Variants in DCN observed in about 807,000 individuals in gnomAD.
DCN encodes bone proteoglycan II.
DCN carries 17 observed loss-of-function variants against 36.5 expected under a neutral mutation model. The ratio of observed to expected loss-of-function variants is 0.47; its 90% CI spans 0.32 to 0.70. DCN has a LOEUF of 0.70. DCN is among the 30% of genes least tolerant of loss of function. The probability of loss-of-function intolerance (pLI) is 0.04; values close to 1 mark genes in which losing one functional copy is unlikely to be tolerated. For synonymous variants in DCN, 163 were observed against 161.4 expected, an observed-to-expected ratio of 1.01 and a Z score of -0.07; for missense variants, 389 against 430.1, an observed-to-expected ratio of 0.90 and a Z score of 0.84.
intron 3 of DCN, 52 bp from the exon 4 acceptor site, chr12:91,158,561 A>AT (rs750460433): frequency 2.1e-6 from 2 of 942,142 alleles, no homozygotes; most frequent in Non-Finnish European, 3.5e-6. Context: ...TTCCACATAC[A>AT]TGTAAAACAA....
In DCN at chr12:91,154,209, G is replaced by T. The variant is rs3138256; in HGVS notation, c.653-1020C>A. 9.3e-3 allele frequency among the ~76,000 whole-genome samples: 1,409 copies of T among 152,118 alleles called. 25 individuals are homozygous for T. Among genetic ancestry groups the T allele is most frequent in the African/African-American group, 0.033 (1,351 of 41,532 alleles). On this transcript the variant is annotated intron_variant, in intron 5 of 7. Transcript: ENST00000052754. ...TAATAAAATAGTTTAGTCCATATTT[G>T]ACTTGAAAATGATTCTTAGTTTCCT...
intron 7 of DCN, chr12:91,151,432 T>C (rs1881407159): frequency 1.9e-6 from 1 of 537,254 alleles, no homozygotes; most frequent in Non-Finnish European, 3.3e-6. Context: ...ACTTTAAGTT[T>C]CATCTCCATA....
intron 2 of DCN, among the ~76,000 whole-genome samples, chr12:91,167,827 T>TGTTTTC (rs1310954642): frequency 1.3e-5 from 2 of 152,070 alleles, no homozygotes; most frequent in Non-Finnish European, 2.9e-5. Context: ...CTATGTTTTT[T>TGTTTTC]GTTTTTGTTT....
At position 91,144,953 on chromosome 12, in the gene DCN, T is replaced by C. The variant is rs1477943337; in HGVS notation, c.*1105A>G. On this transcript the variant is annotated 3_prime_UTR_variant, in exon 8 of 8. Coordinates refer to ENST00000052754, the MANE Select transcript of DCN (RefSeq NM_001920.5). ...TAATAAATTATTTAAATTTACACTGTATTTCAATTATTTTTTCCCATATGA... is the reference window on the plus strand; with the variant it reads ...TAATAAATTATTTAAATTTACACTGCATTTCAATTATTTTTTCCCATATGA... 1.3e-5 allele frequency: 2 copies of C among 152,254 alleles called. No individual in the cohort carries two copies. Among genetic ancestry groups the C allele is most frequent in the Admixed American group, 6.5e-5 (1 of 15,288 alleles). 9.4% of individuals were successfully genotyped at this position (152,254 alleles called of 1,614,324 possible).
chr12:91,147,893 G>T (rs1461055998), intron 7 of DCN, among the ~76,000 whole-genome samples: 1 of 152,014 alleles, frequency 6.6e-6, no homozygotes, highest in East Asian at 1.9e-4. Context: ...TTACAATCAT[G>T]TTTAAGATAA....
At chr12:91,182,128 T>C (rs970598847) in intron 1 of DCN, among the ~76,000 whole-genome samples, 3 of 152,132 alleles carry the variant, frequency 2.0e-5, no homozygotes, top group Non-Finnish European at 4.4e-5. Flanking sequence ...ATTTTCAATG[T>C]TTATTTTCAC....
intron 2 of DCN, among the ~76,000 whole-genome samples, chr12:91,173,523 C>T (rs912059673): frequency 6.6e-6 from 1 of 152,160 alleles, no homozygotes; most frequent in Non-Finnish European, 1.5e-5. Context: ...CTGAAGATCA[C>T]CCATACTCCA....
In DCN at chr12:91,145,474, C is replaced by G. The variant is rs1455352171; in HGVS notation, c.*584G>C. ...TTGTCAACAAACCAATGTCTTCTCC[C>G]TTCATAAAATTGTGTTTAGGGAATA... On this transcript the variant is annotated 3_prime_UTR_variant, in exon 8 of 8. Coordinates refer to ENST00000052754, the MANE Select transcript of DCN (RefSeq NM_001920.5). 6.3e-6 allele frequency: 1 copy of G among 157,842 alleles called. No homozygotes were observed. The highest frequency in any genetic ancestry group is 6.3e-5 in the Admixed American group (1 of 15,948). The allele number at this position is 157,842 out of a possible 1,614,324, so 9.8% of individuals were successfully genotyped here. A position where few individuals can be genotyped will look rare whatever the true frequency, so the allele number is the denominator to read the frequency against.
intron 4 of DCN, among the ~76,000 whole-genome samples, 188 bp downstream of exon 4, chr12:91,158,108 A>G (rs1165574400): frequency 6.6e-6 from 1 of 152,192 alleles, no homozygotes; most frequent in Non-Finnish European, 1.5e-5. Context: ...ACTCAAGGAC[A>G]TACATAAAAA....
intron 7 of DCN, 107 bp from the exon 8 acceptor site, chr12:91,146,359 T>A: frequency 1.5e-6 from 1 of 671,476 alleles, no homozygotes; most frequent in Non-Finnish European, 2.4e-6. Context: ...CACTTTTTTT[T>A]TTTTTTTTTT....
chr12:91,174,704 A>G (rs1241120408), intron 2 of DCN, among the ~76,000 whole-genome samples: 1 of 152,198 alleles, frequency 6.6e-6, no homozygotes, highest in Non-Finnish European at 1.5e-5. Flanking sequence ...GCAGAATTTG[A>G]GATCAGAGGT....
At chr12:91,160,473 T>C (rs1404016836) in intron 3 of DCN, among the ~76,000 whole-genome samples, 2 of 152,090 alleles carry the variant, frequency 1.3e-5, no homozygotes, top group Non-Finnish European at 2.9e-5. Flanking sequence ...AAAGGCTTTT[T>C]TGGTGACTGT....
chr12:91,178,989 T>C (rs1424502387), intron 1 of DCN, among the ~76,000 whole-genome samples: 1 of 152,194 alleles, frequency 6.6e-6, no homozygotes, highest in Non-Finnish European at 1.5e-5. Flanking sequence ...GAAATATCTC[T>C]GGAAGCCAGT....
chr12:91,162,424 A>G (rs981042898), intron 3 of DCN, among the ~76,000 whole-genome samples: 7 of 152,144 alleles, frequency 4.6e-5, no homozygotes, highest in Non-Finnish European at 8.8e-5. Flanking sequence ...AATAATTATG[A>G]CCAGTTTATT....
intron 7 of DCN, among the ~76,000 whole-genome samples, chr12:91,148,488 C>T (rs1014350306): frequency 2.2e-4 from 33 of 151,718 alleles, no homozygotes; most frequent in African/African-American, 7.5e-4. Context: ...GAGGCCGAGG[C>T]GGATGGATCA....
chr12:91,180,288 AAAG>A (rs767234142), intron 1 of DCN: 2 of 126,538 alleles, frequency 1.6e-5, no homozygotes, highest in Non-Finnish European at 3.2e-5. Flanking sequence ...ATATTAAAAA[AAAG>A]AAGAAAGAAA....
chr12:91,151,912 A>G (rs1881458000), intron 6 of DCN, 120 bp from the exon 7 acceptor site: 91 of 1,070,830 alleles, frequency 8.5e-5, no homozygotes, highest in Non-Finnish European at 1.2e-4. Flanking sequence ...TACTCTTCCC[A>G]GTTCTTGGAG....
chr12:91,148,089 T>TC lies in DCN; in HGVS notation c.886-1838dup, dbSNP rs1170377973. On this transcript the variant is annotated intron_variant, in intron 7 of 7. Transcript: ENST00000052754. ...CAACAAGGTCTTTTTTTTTTTTTTT[T>TC]CTGAGACGGAGTCTCGCGCTGTTAT... Among the ~76,000 whole-genome samples, 1,156 of 148,568 alleles carry TC rather than the reference T, an allele frequency of 7.8e-3. 13 individuals carry two copies. The highest frequency in any genetic ancestry group is 0.021 in the Middle Eastern group (6 of 286).
intron 3 of DCN, among the ~76,000 whole-genome samples, chr12:91,160,017 A>G (rs1451650943): frequency 1.3e-5 from 2 of 152,172 alleles, no homozygotes; most frequent in East Asian, 3.8e-4. Context: ...ATCCTCATAT[A>G]GTTCACATTA....
Sources: gnomAD v4.1 joint callset for allele counts (sites outside exome capture counted in the v4.1 genomes callset) on GRCh38, gnomAD v4.1.1 for gene constraint, MANE v1.5 for transcripts, NCBI Gene and HGNC (gene_info 2026-07-23, HGNC 2026-07-21) for gene names.